Variants in SEMA3D observed in about 807,000 individuals in gnomAD.
SEMA3D encodes the protein semaphorin-3D.
A neutral mutation model predicts 100.1 loss-of-function variants in SEMA3D; 84 were observed. The observed-to-expected ratio is 0.84, with a 90% CI of 0.70 to 1.01. The LOEUF is 1.01. Among genes scored for constraint, SEMA3D ranks in the 50% least tolerant of loss-of-function variants. The pLI, the probability that SEMA3D is intolerant of heterozygous loss-of-function variation, is 0.00. For synonymous variants in SEMA3D, 312 were observed against 320.7 expected (o/e 0.97, Z 0.29); for missense variants, 875 against 934.1 (o/e 0.94, Z 0.82).
In SEMA3D at chr7:85,042,319, A is replaced by G. The variant is rs933664997; in HGVS notation, c.862-34T>C. ...AAAAAAAAAATAAAGATAAATATTT[A>G]TCAACACAATTCTACCACTCACTAA... On this transcript the variant is annotated intron_variant, in intron 9 of 18. Transcript: ENST00000284136. 3 of 1,444,664 alleles carry G rather than the reference A, an allele frequency of 2.1e-6. No homozygotes were observed. In the African/African-American group the frequency reaches 4.2e-5, roughly 20 times the overall value. 89.5% of individuals were successfully genotyped at this position (1,444,664 alleles called of 1,614,324 possible). A position where few individuals can be genotyped will look rare whatever the true frequency, so the allele number is the denominator to read the frequency against.
chr7:85,141,250 G>T, intron 2 of SEMA3D: 1 of 983,800 alleles, frequency 1.0e-6, no homozygotes. Flanking sequence ...TGTTGAAGAG[G>T]GACAAGTTCA....
chr7:85,015,025 G>T (rs1790057429), intron 16 of SEMA3D, 34 bp downstream of exon 16: 2 of 1,550,974 alleles, frequency 1.3e-6, no homozygotes, highest in African/African-American at 1.4e-5. Context: ...CTTGTAGAAA[G>T]GAAGCCTTTA....
In SEMA3D at chr7:85,090,951, T is replaced by C. The variant is rs576253494; in HGVS notation, c.312+6854A>G. ...AATGCTCAAACATAAAGGTGTAGCA[T>C]TATGGATTTCAAGTAATCTTTACAA... On this transcript the variant is annotated intron_variant, in intron 4 of 18. Transcript: ENST00000284136. 2.8e-4 allele frequency among the ~76,000 whole-genome samples: 42 copies of C among 151,320 alleles called. No individual in the cohort carries two copies. In the South Asian group the frequency reaches 7.7e-3, roughly 28 times the overall value.
chr7:85,087,050 A>C (rs1194317006), intron 4 of SEMA3D, among the ~76,000 whole-genome samples: 2 of 152,196 alleles, frequency 1.3e-5, no homozygotes, highest in Non-Finnish European at 2.9e-5. Context: ...ATGCCACATA[A>C]ATCTTCTTAC....
At chr7:85,063,477 T>C (rs1384315018) in intron 8 of SEMA3D, among the ~76,000 whole-genome samples, 2 of 152,226 alleles carry the variant, frequency 1.3e-5, no homozygotes, top group African/African-American at 4.8e-5. Flanking sequence ...CAATTTATTT[T>C]ATTCTACTGG....
At chr7:85,185,711 G>C (rs1176893185) in intron 1 of SEMA3D, among the ~76,000 whole-genome samples, 1 of 152,184 alleles carries the variant, frequency 6.6e-6, no homozygotes, top group Non-Finnish European at 1.5e-5. Context: ...CACTGTGACG[G>C]AGGCAAAGCA....
chr7:85,225,207 TTATACA>T, the SEMA3D span, among the ~76,000 whole-genome samples: 3 of 145,144 alleles, frequency 2.1e-5, no homozygotes, highest in Non-Finnish European at 3.0e-5. Context: ...GTAATATATA[TTATACA>T]TATATATATT....
At chr7:85,059,378 T>C (rs1791411967) in intron 8 of SEMA3D, among the ~76,000 whole-genome samples, 1 of 152,154 alleles carries the variant, frequency 6.6e-6, no homozygotes, top group African/African-American at 2.4e-5. Context: ...AAACTGAAAC[T>C]ATGCAGAAAT....
At chr7:85,083,120 G>A (rs1788110862) in intron 4 of SEMA3D, among the ~76,000 whole-genome samples, 1 of 152,086 alleles carries the variant, frequency 6.6e-6, no homozygotes, top group Non-Finnish European at 1.5e-5. Flanking sequence ...TCTTGCTTTA[G>A]AATAAAGTTA....
chr7:85,026,640 T>G, intron 12 of SEMA3D, among the ~76,000 whole-genome samples: 1 of 152,220 alleles, frequency 6.6e-6, no homozygotes, highest in East Asian at 1.9e-4. Flanking sequence ...ATTACATTTT[T>G]TTCTTTGGTC....
At chr7:85,012,208 A>G (rs1040537158) in intron 17 of SEMA3D, among the ~76,000 whole-genome samples, 5 of 151,736 alleles carry the variant, frequency 3.3e-5, no homozygotes, top group African/African-American at 7.3e-5. Context: ...CCCTATCACT[A>G]ATTATGCCTT....
At chr7:85,132,117 C>T (rs904682429) in intron 2 of SEMA3D, among the ~76,000 whole-genome samples, 3 of 151,860 alleles carry the variant, frequency 2.0e-5, no homozygotes, top group Non-Finnish European at 4.4e-5. Flanking sequence ...TTTTTACTTA[C>T]ATTAAAATTG....
intron 3 of SEMA3D, among the ~76,000 whole-genome samples, chr7:85,113,298 G>A (rs1233205364): frequency 3.3e-5 from 5 of 152,038 alleles, no homozygotes; most frequent in African/African-American, 1.2e-4. Flanking sequence ...AAAAAATTTG[G>A]TAGTCATAAA....
intron 12 of SEMA3D, among the ~76,000 whole-genome samples, chr7:85,023,306 A>G (rs1226481537): frequency 5.9e-5 from 9 of 151,902 alleles, no homozygotes; most frequent in Non-Finnish European, 1.2e-4. Flanking sequence ...AATGGTTCAA[A>G]TCAAATGAAT....
chr7:85,059,839 T>C (rs950204849), intron 8 of SEMA3D, among the ~76,000 whole-genome samples: 8 of 152,054 alleles, frequency 5.3e-5, no homozygotes, highest in African/African-American at 1.9e-4. Context: ...GTAAAAGGGG[T>C]ATAAATAAAT....
chr7:85,012,781 C>A lies in SEMA3D; in HGVS notation c.1768+1G>T. On this transcript the variant is annotated splice_donor_variant, in intron 17 of 18. Coordinates refer to ENST00000284136, the MANE Select transcript of SEMA3D (RefSeq NM_001384900.1). LOFTEE classifies it high-confidence loss of function. ...AAAAAGCATATCAGAGCTGTACTTA[C>A]TGTCTTCGATGTCCCAGCACTGGGT... 6.2e-7 allele frequency: 1 copy of A among 1,608,186 alleles called. No individual in the cohort carries two copies. Among genetic ancestry groups the A allele is most frequent in the Non-Finnish European group, 8.5e-7 (1 of 1,175,550 alleles).
intron 3 of SEMA3D, among the ~76,000 whole-genome samples, chr7:85,103,976 T>C (rs1178054437): frequency 2.0e-5 from 3 of 152,050 alleles, no homozygotes; most frequent in Admixed American, 2.0e-4. Flanking sequence ...TATGTATGTG[T>C]GCATTTTTTG....
At chr7:85,201,043 T>C in the SEMA3D span, among the ~76,000 whole-genome samples, 1 of 152,262 alleles carries the variant, frequency 6.6e-6, no homozygotes, top group Non-Finnish European at 1.5e-5. Flanking sequence ...GAAGTTTGGG[T>C]ATGTGGATTC....
At chr7:85,042,606 AT>A (rs201293147) in intron 9 of SEMA3D, among the ~76,000 whole-genome samples, 2 of 152,018 alleles carry the variant, frequency 1.3e-5, no homozygotes, top group South Asian at 2.1e-4. Flanking sequence ...GCAAGAGACT[AT>A]TTTTTTTAAG....
Sources: allele counts gnomAD v4.1 joint callset (sites outside exome capture counted in the v4.1 genomes callset), GRCh38; gene constraint gnomAD v4.1.1; transcripts MANE v1.5; gene names NCBI Gene and HGNC (gene_info 2026-07-23, HGNC 2026-07-21).